The following RYR1 variants were observed in gnomAD, a reference collection of about 807,000 sequenced individuals.
RYR1 encodes the protein central core disease of muscle.
In RYR1, 342 loss-of-function variants were observed where a neutral mutation model predicts 583.5. That is an observed-to-expected ratio of 0.59 (90% CI 0.54 to 0.64). The LOEUF (loss-of-function observed/expected upper bound fraction) is 0.64, where lower values mean the gene tolerates loss of function less well. RYR1 is among the 30% of genes least tolerant of loss of function. RYR1 has a pLI of 0.00. For synonymous variants in RYR1, 2,791 were observed against 2,822.5 expected, an observed-to-expected ratio of 0.99 and a Z score of 0.35; for missense variants, 6,032 against 6,917.2, an observed-to-expected ratio of 0.87 and a Z score of 4.54.
chr19:38,475,191 C>T, intron 28 of RYR1, 127 bp from the exon 29 acceptor site: 3 of 1,308,126 alleles, frequency 2.3e-6, no homozygotes, highest in Non-Finnish European at 3.2e-6. Context: ...GAATCCAGCC[C>T]TCTAGAGGCA....
At chr19:38,520,661 C>T (rs1357480215) in intron 67 of RYR1, among the ~76,000 whole-genome samples, 3 of 139,060 alleles carry the variant, frequency 2.2e-5, no homozygotes, top group Non-Finnish European at 4.5e-5. Flanking sequence ...TGTCACTGCA[C>T]TCCAGCCTAG....
chr19:38,501,967 C>T (rs911151474), intron 47 of RYR1, among the ~76,000 whole-genome samples: 1 of 150,972 alleles, frequency 6.6e-6, no homozygotes, highest in African/African-American at 2.4e-5. Context: ...GCCTGGGCGA[C>T]AGAGCGAGAC....
In RYR1 at chr19:38,463,819, T is replaced by C; in HGVS notation, c.2755T>C (p.Tyr919His). 1 of 1,613,658 alleles carries C rather than the reference T, an allele frequency of 6.2e-7. No individual in the cohort carries two copies. The highest frequency in any genetic ancestry group is 1.1e-5 in the South Asian group (1 of 91,062). ...FHSLPEPERN[Y>H]NLQMSGETLK... ...CAGCCTTCCAGAGCCTGAGAGGAAC[T>C]ACAACCTGCAGATGTCTGGGGAGAC... The change falls in exon 22 of 106, where the codon TAC (tyrosine) becomes CAC (histidine). Residue 919 changes from tyrosine (Y) to histidine (H), a missense_variant. Transcript: ENST00000359596.
intron 10 of RYR1, 67 bp from the exon 11 acceptor site, chr19:38,448,582 C>T (rs2145360991): frequency 3.1e-6 from 5 of 1,614,072 alleles, no homozygotes; most frequent in Non-Finnish European, 4.2e-6. Flanking sequence ...CTCTGCAGTC[C>T]CTCAGGGGGG....
intron 27 of RYR1, among the ~76,000 whole-genome samples, chr19:38,470,126 C>T (rs1968340697): frequency 6.7e-6 from 1 of 150,156 alleles, no homozygotes; most frequent in African/African-American, 2.5e-5. Context: ...AGATTGCGCC[C>T]TTGCACTCCA....
In RYR1 at chr19:38,473,786, G is replaced by A. The variant is rs1304572665; in HGVS notation, c.4160+15G>A. 4.7e-6 allele frequency: 7 copies of A among 1,497,938 alleles called. No individual in the cohort carries two copies. The highest frequency in any genetic ancestry group is 5.3e-6 in the Non-Finnish European group (6 of 1,121,846). 92.8% of individuals were successfully genotyped at this position (1,497,938 alleles called of 1,614,324 possible). ...AAGAAGAGAGGGTGAGTCGAGGGGG[G>A]CCCAGAGTGGGGATTGGGGGCTGCC... is the stretch of plus-strand genomic sequence containing the variant. On this transcript the variant is annotated intron_variant, in intron 28 of 105. Coordinates refer to ENST00000359596, the MANE Select transcript of RYR1 (RefSeq NM_000540.3).
Position 38,455,270 on chromosome 19 carries a change from C to T in RYR1, c.1476C>T (p.Arg492=). ...MLSMVLNCID[R]LNVYTTAAHF... ...CCATGGTCCTGAATTGCATAGACCG[C>T]CTAAATGTCTACACCACTGCTGCCC... is the stretch of plus-strand genomic sequence containing the variant. The change falls in exon 14 of 106, where the codon CGC becomes CGT. Residue 492 remains arginine (R), a synonymous_variant. Transcript: ENST00000359596. 2 of 1,614,096 alleles carry T rather than the reference C, an allele frequency of 1.2e-6. No individual in the cohort carries two copies. The highest frequency in any genetic ancestry group is 1.7e-6 in the Non-Finnish European group (2 of 1,180,012).
chr19:38,564,784 A>G (rs961017559), intron 90 of RYR1, among the ~76,000 whole-genome samples, 175 bp from the exon 91 acceptor site: 3 of 152,140 alleles, frequency 2.0e-5, no homozygotes, highest in African/African-American at 4.8e-5. Context: ...CCAAAGTGCT[A>G]TGATTACAGG....
chr19:38,529,696 A>G lies in RYR1; in HGVS notation c.11141+639A>G, dbSNP rs149717203. On this transcript the variant is annotated intron_variant, in intron 76 of 105. Coordinates refer to ENST00000359596, the MANE Select transcript of RYR1 (RefSeq NM_000540.3). ...TATGTATGACAAATTTCCAACAGAC[A>G]GAAGTAGTGGGGAGGTTTTCTGTAA... 1.0e-2 allele frequency among the ~76,000 whole-genome samples: 1,521 copies of G among 152,338 alleles called. 11 individuals carry two copies. The highest frequency in any genetic ancestry group is 0.022 in the South Asian group (105 of 4,826).
At chr19:38,540,922 T>C (rs2145765971) in intron 84 of RYR1, among the ~76,000 whole-genome samples, 1 of 150,892 alleles carries the variant, frequency 6.6e-6, no homozygotes, top group South Asian at 2.1e-4. Context: ...TACTACAGTG[T>C]AATAAACCTC....
chr19:38,483,384 C>T lies in RYR1; in HGVS notation c.4802C>T (p.Pro1601Leu). 2.6e-6 allele frequency: 4 copies of T among 1,567,408 alleles called. No individual in the cohort carries two copies. Among genetic ancestry groups the T allele is most frequent in the South Asian group, 1.2e-5 (1 of 85,294 alleles). The change falls in exon 33 of 106, where the codon CCA (proline) becomes CTA (leucine). Residue 1601 changes from proline to leucine, a missense_variant. Physicochemically the swap from Pro to Leu is moderately conservative, Grantham distance 98 (BLOSUM62 -3). Transcript: ENST00000359596. The surrounding 1 kb of genome is among the most constrained non-coding windows in gnomAD (Gnocchi z 6.3). ...CGGCTGGAGATGCAGATGCTGATGCCAGTGTCCTGGAGCCGCATGCCCAAC... is the reference window on the plus strand; with the variant it reads ...CGGCTGGAGATGCAGATGCTGATGCTAGTGTCCTGGAGCCGCATGCCCAAC... ...PPRLEMQMLM[P>L]VSWSRMPNHF...
intron 67 of RYR1, 28 bp downstream of exon 67, chr19:38,519,482 C>A: frequency 6.4e-7 from 1 of 1,574,014 alleles, no homozygotes; most frequent in Non-Finnish European, 8.6e-7. Flanking sequence ...GTCCCCATGC[C>A]CTCCGCCCCG....
In RYR1 at chr19:38,515,083, C is replaced by T; in HGVS notation, c.9530C>T (p.Thr3177Ile). 1.2e-6 allele frequency: 2 copies of T among 1,613,464 alleles called. No homozygotes were observed. The highest frequency in any genetic ancestry group is 1.1e-5 in the South Asian group (1 of 90,994). The change falls in exon 64 of 106, where the codon ACC (threonine) becomes ATC (isoleucine). Residue 3177 changes from threonine to isoleucine, a missense_variant. Transcript: ENST00000359596. ...RTLCSIYSLGTTKNTYVEKLR... is the reference protein window; with the variant it reads ...RTLCSIYSLGITKNTYVEKLR... ...CTGTGCAGTATCTACTCCCTGGGAA[C>T]CACCAAGAACACTTATGTGGAAAAG...
intron 1 of RYR1, among the ~76,000 whole-genome samples, chr19:38,439,973 C>T (rs781621196): frequency 1.8e-4 from 27 of 152,212 alleles, no homozygotes; most frequent in Non-Finnish European, 3.5e-4. Flanking sequence ...AGCAATTTAA[C>T]TTGAGCAAGT....
intron 39 of RYR1, among the ~76,000 whole-genome samples, chr19:38,494,850 C>A (rs1367763082): frequency 7.0e-6 from 1 of 142,398 alleles, no homozygotes; most frequent in Non-Finnish European, 1.5e-5. Flanking sequence ...TCCCCACCCC[C>A]CCCTTTTTTT....
intron 9 of RYR1, 54 bp downstream of exon 9, chr19:38,446,822 G>A: frequency 6.9e-7 from 1 of 1,454,180 alleles, no homozygotes; most frequent in Non-Finnish European, 9.6e-7. Context: ...CACCTGGCAG[G>A]CTGGGAGGAC....
chr19:38,579,832 C>T (rs1335190295), intron 99 of RYR1, 150 bp from the exon 100 acceptor site: 13 of 961,382 alleles, frequency 1.4e-5, no homozygotes. Flanking sequence ...TGCCTTCTCA[C>T]CCGGAATGCC....
rs529470866 is a variant in RYR1, at chr19:38,477,986, G to A, written c.4454+116G>A. On this transcript the variant is annotated intron_variant, in intron 30 of 105. Transcript: ENST00000359596. ...GTGGGACCTAGGAACTTTCTGGAGC[G>A]GGAGGATTCTCTGGGGCACTGGGCA... is the stretch of plus-strand genomic sequence containing the variant. 3.3e-5 allele frequency: 36 copies of A among 1,084,916 alleles called. No homozygotes were observed. The Admixed American group carries it at 3.8e-4, about 12-fold the overall frequency. The allele number at this position is 1,084,916 out of a possible 1,614,324, so 67.2% of individuals were successfully genotyped here. A position where few individuals can be genotyped will look rare whatever the true frequency, so the allele number is the denominator to read the frequency against.
intron 65 of RYR1, among the ~76,000 whole-genome samples, chr19:38,516,998 G>C (rs985709509): frequency 2.6e-5 from 4 of 152,176 alleles, no homozygotes; most frequent in Admixed American, 1.3e-4. Flanking sequence ...GTGGGATTCA[G>C]AGAGACAAGG....
Sources: allele counts gnomAD v4.1 joint callset (sites outside exome capture counted in the v4.1 genomes callset), GRCh38; gene constraint gnomAD v4.1.1; non-coding constraint Gnocchi (gnomAD v3.1); transcripts MANE v1.5; gene names NCBI Gene and HGNC (gene_info 2026-07-23, HGNC 2026-07-21).